ARID4B: variants seen among roughly 807,000 people sequenced by gnomAD.
ARID4B encodes the protein AT-rich interaction domain 4B, also known as AT-rich interactive domain-containing protein 4B.
ARID4B carries 26 observed loss-of-function variants against 147.5 expected under a neutral mutation model. That is an observed-to-expected ratio of 0.18 (90% confidence interval 0.13 to 0.24). The LOEUF is 0.24. Ranked by LOEUF, ARID4B falls within the 10% of genes least tolerant of loss-of-function variation. ARID4B has a pLI of 1.00. For missense variants in ARID4B, 1,179 were observed against 1,511.5 expected (o/e 0.78, Z 3.65); for synonymous variants, 512 against 507.9 (o/e 1.01, Z -0.11).
rs572987038 is a variant in ARID4B at position 235,298,831 on chromosome 1, T to C, written c.6+28083A>G. Among the ~76,000 whole-genome samples the C allele has an allele frequency of 3.9e-5, 6 of 152,266 alleles. No individual in the cohort carries two copies. In the South Asian group the frequency reaches 1.2e-3, roughly 32 times the overall value. On this transcript the variant is annotated intron_variant, in intron 2 of 23. Coordinates refer to ENST00000264183, the MANE Select transcript of ARID4B (RefSeq NM_016374.6). Reference sequence around the variant, plus strand: ...AGTTATAACTCAAGGGGCACAGAGATGGGGAACCAAACCATACTGTTAATG... The same window carrying C: ...AGTTATAACTCAAGGGGCACAGAGACGGGGAACCAAACCATACTGTTAATG...
intron 2 of ARID4B, among the ~76,000 whole-genome samples, chr1:235,320,283 C>G (rs1324179364): frequency 6.6e-6 from 1 of 152,080 alleles, no homozygotes; most frequent in Non-Finnish European, 1.5e-5. Context: ...CCAGCCTAGG[C>G]AACAGAGAGA....
At position 235,175,411 on chromosome 1, in the gene ARID4B, A is replaced by G. The variant is rs758171415; in HGVS notation, c.3449-12T>C. 6.3e-7 allele frequency: 1 copy of G among 1,586,652 alleles called. No individual in the cohort carries two copies. Among genetic ancestry groups the G allele is most frequent in the Non-Finnish European group, 8.6e-7 (1 of 1,159,808 alleles). On this transcript the variant is annotated splice_polypyrimidine_tract_variant and intron_variant, in intron 21 of 23. Transcript: ENST00000264183. Reference sequence around the variant, plus strand: ...ATCACTACTATTTGCTGAAAGAGAAAGAAAAGATTTAATAAACAAAAATGT... The same window carrying G: ...ATCACTACTATTTGCTGAAAGAGAAGGAAAAGATTTAATAAACAAAAATGT...
chr1:235,289,444 G>T (rs1279497221), intron 2 of ARID4B, among the ~76,000 whole-genome samples: 1 of 152,026 alleles, frequency 6.6e-6, no homozygotes, highest in Non-Finnish European at 1.5e-5. Flanking sequence ...CAACCATTCA[G>T]GCCAGGCAAA....
intron 17 of ARID4B, among the ~76,000 whole-genome samples, chr1:235,204,303 C>T (rs1037000081): frequency 6.6e-6 from 1 of 152,128 alleles, no homozygotes; most frequent in Admixed American, 6.5e-5. Context: ...GCCTGGGTGA[C>T]GGAGCGAAAC....
At chr1:235,226,659 C>T (rs922730174) in intron 11 of ARID4B, among the ~76,000 whole-genome samples, 1 of 152,114 alleles carries the variant, frequency 6.6e-6, no homozygotes, top group Non-Finnish European at 1.5e-5. Flanking sequence ...GTAGCTGGGA[C>T]TACAGGCGTC....
chr1:235,274,930 T>A (rs1256933731), intron 2 of ARID4B, among the ~76,000 whole-genome samples: 1 of 152,002 alleles, frequency 6.6e-6, no homozygotes, highest in Admixed American at 6.6e-5. Flanking sequence ...ATGTGCTAAA[T>A]CAAATGCATA....
chr1:235,323,097 G>C (rs1674962569), intron 2 of ARID4B, among the ~76,000 whole-genome samples: 1 of 149,784 alleles, frequency 6.7e-6, no homozygotes, highest in South Asian at 2.1e-4. Context: ...CTGGAGTGCA[G>C]TGGTGCCATC....
intron 22 of ARID4B, among the ~76,000 whole-genome samples, chr1:235,174,469 T>C (rs991788673): frequency 6.6e-6 from 1 of 152,172 alleles, no homozygotes; most frequent in Non-Finnish European, 1.5e-5. Flanking sequence ...CTATTAAGTT[T>C]GGTAAAGCCT....
At chr1:235,304,095 G>A (rs1462398754) in intron 2 of ARID4B, among the ~76,000 whole-genome samples, 2 of 152,176 alleles carry the variant, frequency 1.3e-5, no homozygotes, top group Non-Finnish European at 2.9e-5. Context: ...GGTGGCTCAC[G>A]CCTATTATCA....
intron 2 of ARID4B, among the ~76,000 whole-genome samples, chr1:235,292,722 T>G (rs571003234): frequency 9.0e-4 from 137 of 152,038 alleles, no homozygotes; most frequent in African/African-American, 3.0e-3. Flanking sequence ...TTGGGTAAGG[T>G]AAAACTCATC....
At chr1:235,200,072 A>C (rs1195839850) in intron 17 of ARID4B, among the ~76,000 whole-genome samples, 1 of 152,040 alleles carries the variant, frequency 6.6e-6, no homozygotes, top group Non-Finnish European at 1.5e-5. Flanking sequence ...TAATCCCAGA[A>C]CTATGGGAGG....
chr1:235,221,543 C>A, intron 14 of ARID4B, 22 bp downstream of exon 14: 3 of 1,321,250 alleles, frequency 2.3e-6, no homozygotes, highest in African/African-American at 1.5e-5. Flanking sequence ...TGAAGATAAT[C>A]ATATCAATTA....
At chr1:235,168,839 T>C (rs1284053992) in intron 23 of ARID4B, among the ~76,000 whole-genome samples, 187 bp from the exon 24 acceptor site, 1 of 152,150 alleles carries the variant, frequency 6.6e-6, no homozygotes, top group Non-Finnish European at 1.5e-5. Context: ...CTCAAGAAGC[T>C]AGACAGTGCC....
At chr1:235,204,446 C>T (rs1666175016) in intron 17 of ARID4B, among the ~76,000 whole-genome samples, 1 of 152,158 alleles carries the variant, frequency 6.6e-6, no homozygotes, top group Admixed American at 6.5e-5. Context: ...AAGAATATAA[C>T]AGCAGAATGA....
intron 2 of ARID4B, among the ~76,000 whole-genome samples, chr1:235,298,357 T>C (rs1470115498): frequency 6.6e-6 from 1 of 152,048 alleles, no homozygotes; most frequent in Non-Finnish European, 1.5e-5. Flanking sequence ...CATTTATTTT[T>C]ACTAGTCTCC....
chr1:235,185,411 C>G (rs2102933899), intron 19 of ARID4B, among the ~76,000 whole-genome samples: 1 of 152,130 alleles, frequency 6.6e-6, no homozygotes, highest in Admixed American at 6.5e-5. Flanking sequence ...GCGTTGTATC[C>G]AATTTCCCCT....
At chr1:235,317,348 C>T (rs924831311) in intron 2 of ARID4B, among the ~76,000 whole-genome samples, 13 of 152,168 alleles carry the variant, frequency 8.5e-5, no homozygotes, top group Admixed American at 6.5e-4. Flanking sequence ...CTATCTATGG[C>T]TCCTCTCCTC....
At chr1:235,319,781 CAGG>C (rs1055804486) in intron 2 of ARID4B, among the ~76,000 whole-genome samples, 2 of 151,974 alleles carry the variant, frequency 1.3e-5, no homozygotes, top group African/African-American at 4.8e-5. Flanking sequence ...CACTTAAGGT[CAGG>C]AGTTCAGAAC....
chr1:235,316,201 A>G (rs1471526326), intron 2 of ARID4B, among the ~76,000 whole-genome samples: 2 of 152,170 alleles, frequency 1.3e-5, no homozygotes, highest in East Asian at 3.8e-4. Context: ...AGCAATTCAC[A>G]TTGAGTATCC....
Sources: gnomAD v4.1 joint callset for allele counts (sites outside exome capture counted in the v4.1 genomes callset) on GRCh38, gnomAD v4.1.1 for gene constraint, MANE v1.5 for transcripts, NCBI Gene and HGNC (gene_info 2026-07-23, HGNC 2026-07-21) for gene names.